The following NBR1 variants were observed in gnomAD, a reference collection of about 807,000 sequenced individuals.
NBR1 encodes NBR1 autophagy cargo receptor.
NBR1 carries 59 observed loss-of-function variants against 115.5 expected under a neutral mutation model. That is an observed-to-expected ratio of 0.51 (90% confidence interval 0.41 to 0.63). NBR1 has a LOEUF of 0.63. Among genes scored for constraint, NBR1 ranks in the 30% least tolerant of loss-of-function variants. The pLI is 0.00. For missense variants in NBR1, 1,043 were observed against 1,150.5 expected (o/e 0.91, Z 1.35); for synonymous variants, 373 against 414.7 (o/e 0.90, Z 1.22).
At chr17:43,192,979 G>A in intron 10 of NBR1, 115 bp from the exon 11 acceptor site, 2 of 995,838 alleles carry the variant, frequency 2.0e-6, no homozygotes, top group South Asian at 3.3e-5. Context: ...TTATTTTTAA[G>A]GCAAATGGGT....
At chr17:43,207,423 T>C (rs2057338441) in intron 20 of NBR1, among the ~76,000 whole-genome samples, 1 of 152,236 alleles carries the variant, frequency 6.6e-6, no homozygotes, top group Non-Finnish European at 1.5e-5. Context: ...AATAACTAGA[T>C]TGTAGCTCAC....
chr17:43,171,003 T>C (rs1189454995), upstream of NBR1: 1 of 152,262 alleles, frequency 6.6e-6, no homozygotes, highest in Non-Finnish European at 1.5e-5. Flanking sequence ...GGAAATCCGC[T>C]CTGGCCCACA....
Position 43,186,282 on chromosome 17 carries a change from G to C in NBR1, c.240G>C (p.Met80Ile), listed in dbSNP as rs1330245243. The change falls in exon 6 of 21, where the codon ATG becomes ATC. Residue 80 changes from methionine (M) to isoleucine (I), a missense_variant. Physicochemically the swap from Met to Ile is conservative, Grantham distance 10. Coordinates refer to ENST00000590996, the MANE Select transcript of NBR1 (RefSeq NM_005899.5). ...MAVKQGNQLQ[M>I]QVHEGHHVVD... ...TTAAACAGGGAAACCAACTGCAGAT[G>C]CAAGTCCACGAAGGGCACCATGTCG... is the stretch of plus-strand genomic sequence containing the variant. The C allele has an allele frequency of 1.6e-5, 25 of 1,583,266 alleles. No individual in the cohort carries two copies. The highest frequency in any genetic ancestry group is 2.7e-5 in the African/African-American group (2 of 74,174).
At chr17:43,209,862 A>ATTTTT in intron 20 of NBR1, 39 bp from the exon 21 acceptor site, 2 of 1,367,018 alleles carry the variant, frequency 1.5e-6, no homozygotes, top group Non-Finnish European at 9.6e-7. Context: ...ATTATACAGA[A>ATTTTT]TTTTTTTTTT....
intron 5 of NBR1, among the ~76,000 whole-genome samples, chr17:43,184,604 G>A (rs945678039): frequency 6.6e-6 from 1 of 151,292 alleles, no homozygotes; most frequent in Non-Finnish European, 1.5e-5. Context: ...GACCTCAGGT[G>A]ATCTGCTCAG....
intron 17 of NBR1, among the ~76,000 whole-genome samples, chr17:43,201,022 C>A (rs1041259102): frequency 3.9e-5 from 6 of 152,108 alleles, no homozygotes; most frequent in East Asian, 3.9e-4. Flanking sequence ...GCATGGGCCA[C>A]CACACCTAGC....
chr17:43,186,241 T>C lies in NBR1; in HGVS notation c.208-9T>C, dbSNP rs1463933977. The C allele has an allele frequency of 4.5e-6, 7 of 1,556,274 alleles. No individual in the cohort carries two copies. Among genetic ancestry groups the C allele is most frequent in the South Asian group, 2.4e-5 (2 of 83,112 alleles). ...TCGCATGTTTTTGTTTCATAATGTA[T>C]GCTCTTAGATGGCAGTTAAACAGGG... On this transcript the variant is annotated splice_polypyrimidine_tract_variant and intron_variant, in intron 5 of 20. Transcript: ENST00000590996.
At chr17:43,179,263 C>A in intron 3 of NBR1, 131 bp from the exon 4 acceptor site, 1 of 740,278 alleles carries the variant, frequency 1.4e-6, no homozygotes, top group Non-Finnish European at 2.4e-6. Context: ...TTATTCATGA[C>A]TAGCAAGTGA....
At chr17:43,186,765 CTG>C (rs2056813132) in intron 6 of NBR1, among the ~76,000 whole-genome samples, 1 of 151,848 alleles carries the variant, frequency 6.6e-6, no homozygotes, top group East Asian at 1.9e-4. Flanking sequence ...TGAGAACATG[CTG>C]TGTTTGGTTT....
chr17:43,185,213 A>G (rs912241616), intron 5 of NBR1, among the ~76,000 whole-genome samples: 17 of 152,214 alleles, frequency 1.1e-4, no homozygotes, highest in African/African-American at 7.2e-5. Context: ...AAGCAACACA[A>G]TACTTTTGTG....
At position 43,200,221 on chromosome 17, in the gene NBR1, A is replaced by G. The variant is rs1354614758; in HGVS notation, c.2081A>G (p.His694Arg). 2 of 1,551,784 alleles carry G rather than the reference A, an allele frequency of 1.3e-6. No individual in the cohort carries two copies. Among genetic ancestry groups the G allele is most frequent in the Non-Finnish European group, 1.7e-6 (2 of 1,146,976 alleles). Residue 694 changes from histidine (H) to arginine (R), a missense_variant, in exon 17 of 21, where the codon CAT becomes CGT. Coordinates refer to ENST00000590996, the MANE Select transcript of NBR1 (RefSeq NM_005899.5). The stretch of plus-strand genomic sequence containing the variant: ...GGAAATGAGAAGGAGGAGATTATCC[A>G]TATCGCTGAGGAAGAAGCTGTCATG... ...PLGNEKEEII[H>R]IAEEEAVMEE... is the part of the protein sequence containing the mutation.
At chr17:43,203,186 A>G (rs1417448012) in intron 19 of NBR1, among the ~76,000 whole-genome samples, 3 of 152,152 alleles carry the variant, frequency 2.0e-5, no homozygotes, top group African/African-American at 7.2e-5. Context: ...GTTTCAGACA[A>G]GGAAATAGTG....
intron 20 of NBR1, among the ~76,000 whole-genome samples, chr17:43,208,431 G>A (rs2057356974): frequency 1.3e-5 from 2 of 152,222 alleles, no homozygotes; most frequent in South Asian, 4.1e-4. Context: ...GAATGGAACA[G>A]TGGAATCAGG....
At chr17:43,171,668 G>A (rs2056374320) in intron 1 of NBR1, among the ~76,000 whole-genome samples, 1 of 152,198 alleles carries the variant, frequency 6.6e-6, no homozygotes, top group African/African-American at 2.4e-5. Context: ...AACTCTGCAA[G>A]TAAAAAAATG....
intron 14 of NBR1, chr17:43,195,380 G>A (rs931943105): frequency 4.2e-5 from 12 of 287,716 alleles, no homozygotes; most frequent in African/African-American, 7.0e-5. Context: ...GGCCAGGCAC[G>A]GTGGCTCACG....
At chr17:43,185,997 G>T (rs572830913) in intron 5 of NBR1, among the ~76,000 whole-genome samples, 3 of 142,736 alleles carry the variant, frequency 2.1e-5, no homozygotes, top group Non-Finnish European at 3.0e-5. Flanking sequence ...GCAAAACTCC[G>T]TCTCAAAAAT....
At position 43,201,679 on chromosome 17, in the gene NBR1, C is replaced by T. The variant is rs1402976752; in HGVS notation, c.2469-7C>T. 1 of 1,560,650 alleles carries T rather than the reference C, an allele frequency of 6.4e-7. No individual in the cohort carries two copies. The highest frequency in any genetic ancestry group is 8.8e-7 in the Non-Finnish European group (1 of 1,131,612). On this transcript the variant is annotated splice_region_variant and splice_polypyrimidine_tract_variant and intron_variant, in intron 17 of 20. Coordinates refer to ENST00000590996, the MANE Select transcript of NBR1 (RefSeq NM_005899.5). ...AATTTACTTTCCATATTGTGTCTTT[C>T]TGAAAGGAGCTCTCCTTGTGTACAT...
chr17:43,189,213 C>G (rs2154582160), intron 7 of NBR1, 94 bp downstream of exon 7: 1 of 885,178 alleles, frequency 1.1e-6, no homozygotes, highest in Non-Finnish European at 1.9e-6. Flanking sequence ...GCTGCTGCCT[C>G]TAGTACCGGT....
rs1373255382 is a variant in NBR1 at position 43,201,753 on chromosome 17, T to C, written c.2536T>C (p.Ser846Pro). Residue 846 changes from serine (S) to proline (P), a missense_variant, in exon 18 of 21, where the codon TCT becomes CCT. By Grantham distance (74) the Ser-to-Pro change is moderately conservative. Transcript: ENST00000590996. Reference protein sequence around the residue: ...VDLPVTIPEVSSVPDQIRGEP... With the variant: ...VDLPVTIPEVPSVPDQIRGEP... ...TTTACCAGTTACCATACCAGAAGTT[T>C]CTTCAGTCCCTGATCAGATCAGAGG... 6.2e-7 allele frequency: 1 copy of C among 1,603,312 alleles called. No individual in the cohort carries two copies. The highest frequency in any genetic ancestry group is 1.3e-5 in the African/African-American group (1 of 74,724).
Sources: allele counts gnomAD v4.1 joint callset (sites outside exome capture counted in the v4.1 genomes callset), GRCh38; gene constraint gnomAD v4.1.1; transcripts MANE v1.5; gene names NCBI Gene and HGNC (gene_info 2026-07-23, HGNC 2026-07-21).